The following LCORL variants were observed in gnomAD, a reference collection of about 807,000 sequenced individuals.
LCORL encodes the protein ligand dependent nuclear receptor corepressor like, also known as ligand-dependent nuclear receptor corepressor-like protein.
In LCORL, 41 loss-of-function variants were observed where a neutral mutation model predicts 141.8. The observed-to-expected ratio is 0.29, with a 90% CI of 0.23 to 0.38. The LOEUF is 0.38. Among genes scored for constraint, LCORL ranks in the 10% least tolerant of loss-of-function variants. LCORL has a pLI of 1.00. For missense variants in LCORL, 1,759 were observed against 2,035.0 expected, an observed-to-expected ratio of 0.86 and a Z score of 2.61; for synonymous variants, 618 against 694.1, an observed-to-expected ratio of 0.89 and a Z score of 1.72.
intron 4 of LCORL, among the ~76,000 whole-genome samples, chr4:17,924,040 A>C (rs1262033238): frequency 6.6e-6 from 1 of 151,962 alleles, no homozygotes. Flanking sequence ...ACGTGTGATT[A>C]TATACCGATT....
chr4:17,934,125 T>C (rs1736471773), intron 4 of LCORL, among the ~76,000 whole-genome samples: 1 of 152,056 alleles, frequency 6.6e-6, no homozygotes, highest in Admixed American at 6.6e-5. Context: ...TGATATATTA[T>C]GCATGATACT....
At chr4:17,999,026 A>ATATAG (rs1560464474) in intron 1 of LCORL, among the ~76,000 whole-genome samples, 1 of 140,880 alleles carries the variant, frequency 7.1e-6, no homozygotes, top group African/African-American at 2.6e-5. Context: ...ATATATATAT[A>ATATAG]TATAGTATAG....
At chr4:17,872,388 T>C (rs1726454825) in intron 7 of LCORL, among the ~76,000 whole-genome samples, 1 of 152,044 alleles carries the variant, frequency 6.6e-6, no homozygotes, top group South Asian at 2.1e-4. Flanking sequence ...TAAAATACAC[T>C]AACACTAACA....
chr4:17,855,674 T>C (rs990070472), intron 7 of LCORL, among the ~76,000 whole-genome samples: 2 of 152,108 alleles, frequency 1.3e-5, no homozygotes, highest in Non-Finnish European at 2.9e-5. Context: ...TTGAGAAAAA[T>C]TGCTTGGGCA....
intron 5 of LCORL, among the ~76,000 whole-genome samples, chr4:17,907,260 AC>A (rs1412048133): frequency 6.6e-6 from 1 of 152,180 alleles, no homozygotes; most frequent in Non-Finnish European, 1.5e-5. Flanking sequence ...GTGATGAGGA[AC>A]GGGGGGTAGA....
chr4:17,927,473 C>T (rs1014767594), intron 4 of LCORL, among the ~76,000 whole-genome samples: 2 of 152,146 alleles, frequency 1.3e-5, no homozygotes, highest in African/African-American at 2.4e-5. Flanking sequence ...AGAAACTGTT[C>T]GATGCAATAG....
exon 7 of LCORL, chr4:17,877,050 G>A: frequency 8.1e-7 from 1 of 1,230,408 alleles, no homozygotes; most frequent in East Asian, 3.2e-5. Flanking sequence ...ACTTTTTTCG[G>A]TGTATTTTTT....
chr4:17,917,940 AAAAACAAAAC>A (rs139664926), intron 4 of LCORL, among the ~76,000 whole-genome samples: 145 of 151,860 alleles, frequency 9.5e-4, no homozygotes, highest in Middle Eastern at 3.4e-3. Flanking sequence ...ACAGGTTAAC[AAAAACAAAAC>A]AAAACAAAAC....
chr4:17,880,684 C>T (rs1262490878), intron 6 of LCORL: 1 of 979,308 alleles, frequency 1.0e-6, no homozygotes. Flanking sequence ...AGTGCAAAAG[C>T]ATTGAAGTGC....
chr4:17,886,093 G>T (rs1728234037), exon 6 of LCORL: 2 of 1,592,434 alleles, frequency 1.3e-6, no homozygotes, highest in African/African-American at 2.7e-5. Context: ...TCAGAAGAAG[G>T]ATCACATATG....
At chr4:18,001,019 G>C (rs1304093082) in intron 1 of LCORL, among the ~76,000 whole-genome samples, 1 of 152,186 alleles carries the variant, frequency 6.6e-6, no homozygotes, top group Non-Finnish European at 1.5e-5. Context: ...TCCAAAAAGA[G>C]TTCAAGCTGA....
chr4:17,928,352 C>A (rs1311006505), intron 4 of LCORL, among the ~76,000 whole-genome samples: 1 of 152,156 alleles, frequency 6.6e-6, no homozygotes, highest in Non-Finnish European at 1.5e-5. Context: ...GGCAAGGCTG[C>A]AATGAACCAT....
intron 1 of LCORL, among the ~76,000 whole-genome samples, chr4:18,018,740 C>T (rs1444526174): frequency 1.3e-5 from 2 of 152,108 alleles, no homozygotes; most frequent in African/African-American, 4.8e-5. Flanking sequence ...AACCCTGAGA[C>T]GCTGCCTACA....
exon 7 of LCORL, chr4:17,874,822 T>C: frequency 1.6e-6 from 2 of 1,233,826 alleles, no homozygotes; most frequent in Non-Finnish European, 2.0e-6. Flanking sequence ...GAAAGTCTGT[T>C]TCTTGGGGTA....
intron 1 of LCORL, among the ~76,000 whole-genome samples, chr4:17,984,301 G>A (rs1470145188): frequency 6.6e-6 from 1 of 152,068 alleles, no homozygotes; most frequent in Non-Finnish European, 1.5e-5. Context: ...TTGGGGAGGA[G>A]ATCCTCTTCC....
intron 6 of LCORL, chr4:17,883,332 A>C (rs1727830441): frequency 1.0e-6 from 1 of 1,002,546 alleles, no homozygotes; most frequent in Non-Finnish European, 1.2e-6. Flanking sequence ...TTCCATTATA[A>C]GATGGTTCAA....
rs1713034666 is a variant in LCORL, at chr4:17,958,065, A to C, written c.430+3838T>G. 2.0e-5 allele frequency among the ~76,000 whole-genome samples: 3 copies of C among 152,126 alleles called. No individual in the cohort carries two copies. In the South Asian group the frequency reaches 6.2e-4, roughly 32 times the overall value. On this transcript the variant is annotated intron_variant, in intron 4 of 7. Coordinates refer to ENST00000635767, the Ensembl canonical transcript of LCORL. Reference sequence around the variant, plus strand: ...TAGTATTTATATCATGCTAGAGTACAAAACAAAACATTAACAGTTTAAAAG... The same window carrying C: ...TAGTATTTATATCATGCTAGAGTACCAAACAAAACATTAACAGTTTAAAAG...
chr4:17,902,236 G>C (rs1373112473), intron 5 of LCORL, among the ~76,000 whole-genome samples: 1 of 152,052 alleles, frequency 6.6e-6, no homozygotes, highest in Non-Finnish European at 1.5e-5. Context: ...GCAATATGAA[G>C]CCATTAAAGG....
rs969874410 is a variant in LCORL at position 17,884,455 on chromosome 4, C to A, written c.776+1613G>T. ...GATTGAGTTTACTTTTTTCTGTGCG[C>A]TCTGCTTGAGCTCTTGCCCACAAGG... On this transcript the variant is annotated intron_variant, in intron 6 of 7. Transcript: ENST00000635767. The surrounding 1 kb of genome is among the most constrained non-coding windows in gnomAD (Gnocchi z 4.4). 1.3e-6 allele frequency: 2 copies of A among 1,549,992 alleles called. No individual in the cohort carries two copies. Among genetic ancestry groups the A allele is most frequent in the African/African-American group, 2.7e-5 (2 of 72,822 alleles).
Sources: gnomAD v4.1 joint callset for allele counts (sites outside exome capture counted in the v4.1 genomes callset) on GRCh38, gnomAD v4.1.1 for gene constraint, Gnocchi (gnomAD v3.1) non-coding constraint, MANE v1.5 for transcripts, NCBI Gene and HGNC (gene_info 2026-07-23, HGNC 2026-07-21) for gene names.